The following CNTNAP2 variants were observed in gnomAD, a reference collection of about 807,000 sequenced individuals.
CNTNAP2 encodes the protein contactin associated protein 2.
In CNTNAP2, 98 loss-of-function variants were observed where a neutral mutation model predicts 155.2. That is an observed-to-expected ratio of 0.63 (90% confidence interval 0.54 to 0.75). CNTNAP2 has a LOEUF of 0.75. CNTNAP2 is among the 30% of genes least tolerant of loss of function. The pLI is 0.00. For missense variants in CNTNAP2, 1,727 were observed against 1,688.1 expected, an observed-to-expected ratio of 1.02 and a Z score of -0.40; for synonymous variants, 651 against 631.2, an observed-to-expected ratio of 1.03 and a Z score of -0.47.
intron 21 of CNTNAP2, among the ~76,000 whole-genome samples, chr7:148,278,309 G>T (rs1796912366): frequency 1.3e-5 from 2 of 152,076 alleles, no homozygotes; most frequent in Non-Finnish European, 2.9e-5. Context: ...GCTCACGCCT[G>T]TAATCCCAGC....
intron 21 of CNTNAP2, among the ~76,000 whole-genome samples, chr7:148,327,770 A>G (rs1040213242): frequency 6.6e-6 from 1 of 152,106 alleles, no homozygotes; most frequent in African/African-American, 2.4e-5. Flanking sequence ...ATGGGTTTCT[A>G]TTGCCTGGAA....
At position 147,489,919 on chromosome 7, in the gene CNTNAP2, A is replaced by G. The variant is rs1012397375; in HGVS notation, c.1777+3878A>G. On this transcript the variant is annotated intron_variant, in intron 11 of 23. Coordinates refer to ENST00000361727, the MANE Select transcript of CNTNAP2 (RefSeq NM_014141.6). ...CATGAGCCACCATGCCTGGCCAAAC[A>G]TTCTTATATATACTACTAGTTCCTT... is the stretch of plus-strand genomic sequence containing the variant. Among the ~76,000 whole-genome samples, 3 of 152,284 alleles carry G rather than the reference A, an allele frequency of 2.0e-5. No homozygotes were observed. In the East Asian group the frequency reaches 5.8e-4, roughly 29 times the overall value.
chr7:147,030,869 G>T (rs73465298), intron 3 of CNTNAP2, among the ~76,000 whole-genome samples: 1 of 151,980 alleles, frequency 6.6e-6, no homozygotes, highest in Non-Finnish European at 1.5e-5. Context: ...GGGCTACAGC[G>T]CAAGACCCTG....
intron 1 of CNTNAP2, among the ~76,000 whole-genome samples, chr7:146,553,090 A>G (rs777394909): frequency 6.6e-6 from 1 of 152,146 alleles, no homozygotes; most frequent in Non-Finnish European, 1.5e-5. Context: ...TCTTTGAGAC[A>G]TGTATTTTAG....
At chr7:148,394,280 C>A (rs1437917484) in intron 22 of CNTNAP2, among the ~76,000 whole-genome samples, 1 of 152,174 alleles carries the variant, frequency 6.6e-6, no homozygotes, top group African/African-American at 2.4e-5. Context: ...GGTTGAGGCT[C>A]CATCCTCTCC....
At chr7:148,131,191 C>T (rs372384815) in intron 16 of CNTNAP2, among the ~76,000 whole-genome samples, 3 of 150,984 alleles carry the variant, frequency 2.0e-5, no homozygotes, top group East Asian at 1.9e-4. Context: ...CTCCGCCTCC[C>T]GGGTTCAAGC....
At chr7:146,622,570 T>C (rs1050020947) in intron 1 of CNTNAP2, among the ~76,000 whole-genome samples, 1 of 152,174 alleles carries the variant, frequency 6.6e-6, no homozygotes, top group African/African-American at 2.4e-5. Context: ...CATATTGATG[T>C]ATCCAACTAT....
chr7:147,842,847 G>T (rs1161791861), intron 13 of CNTNAP2, among the ~76,000 whole-genome samples: 1 of 51,404 alleles, frequency 1.9e-5, no homozygotes, highest in Non-Finnish European at 3.7e-5. Flanking sequence ...GCGGTGTTTG[G>T]TTTTTTGTTC....
intron 11 of CNTNAP2, among the ~76,000 whole-genome samples, chr7:147,536,998 G>C (rs1300743431): frequency 4.7e-4 from 71 of 152,164 alleles, no homozygotes; most frequent in Non-Finnish European, 4.4e-5. Context: ...TTCTAAATCT[G>C]ACCCTTTTAT....
intron 15 of CNTNAP2, among the ~76,000 whole-genome samples, chr7:148,109,206 A>G (rs6962625): frequency 0.42 from 63,164 of 151,998 alleles, 14,657 homozygotes; most frequent in East Asian, 0.75. Flanking sequence ...ACTCTGCTAA[A>G]TGTATTTCAT....
intron 13 of CNTNAP2, among the ~76,000 whole-genome samples, chr7:147,881,546 AG>A (rs1799520625): frequency 6.6e-6 from 1 of 152,246 alleles, no homozygotes; most frequent in Non-Finnish European, 1.5e-5. Context: ...ACATTTACAC[AG>A]GAAATAGGCA....
At chr7:147,406,090 T>C (rs1797000074) in intron 10 of CNTNAP2, among the ~76,000 whole-genome samples, 1 of 152,200 alleles carries the variant, frequency 6.6e-6, no homozygotes, top group Non-Finnish European at 1.5e-5. Flanking sequence ...CCCAACATAT[T>C]GAAGACTTGT....
At chr7:147,759,158 CCTTT>C (rs1231522406) in intron 13 of CNTNAP2, among the ~76,000 whole-genome samples, 7 of 152,124 alleles carry the variant, frequency 4.6e-5, no homozygotes, top group African/African-American at 1.7e-4. Flanking sequence ...CATGCGTAAA[CCTTT>C]CTATCTGATT....
intron 9 of CNTNAP2, among the ~76,000 whole-genome samples, chr7:147,371,412 C>T (rs924849700): frequency 1.3e-5 from 2 of 152,134 alleles, no homozygotes; most frequent in African/African-American, 4.8e-5. Flanking sequence ...ATATAAGATA[C>T]ACAGCCTAGT....
At chr7:148,121,290 C>T (rs1388972118) in intron 16 of CNTNAP2, among the ~76,000 whole-genome samples, 2 of 152,164 alleles carry the variant, frequency 1.3e-5, no homozygotes, top group African/African-American at 4.8e-5. Context: ...GCGTCGGCCT[C>T]CCAAAGCCCT....
At chr7:148,401,215 T>C (rs1799575268) in intron 22 of CNTNAP2, among the ~76,000 whole-genome samples, 1 of 152,150 alleles carries the variant, frequency 6.6e-6, no homozygotes, top group South Asian at 2.1e-4. Flanking sequence ...TACAGTAAGA[T>C]ACATGAGAGA....
intron 1 of CNTNAP2, among the ~76,000 whole-genome samples, chr7:146,738,054 C>A (rs902631734): frequency 4.6e-5 from 7 of 152,006 alleles, no homozygotes; most frequent in Non-Finnish European, 1.0e-4. Flanking sequence ...ATTTCTGTAT[C>A]ATATGGTAAT....
chr7:146,875,376 G>T (rs921407321), intron 3 of CNTNAP2, among the ~76,000 whole-genome samples: 1 of 152,140 alleles, frequency 6.6e-6, no homozygotes, highest in African/African-American at 2.4e-5. Context: ...TACACAAGCT[G>T]CTGCTTAAAT....
At chr7:147,810,597 G>A (rs562023371) in intron 13 of CNTNAP2, among the ~76,000 whole-genome samples, 1 of 152,216 alleles carries the variant, frequency 6.6e-6, no homozygotes, top group African/African-American at 2.4e-5. Context: ...TTCAATACAG[G>A]TAGAAAGTTT....
Sources: gnomAD v4.1 joint callset for allele counts (sites outside exome capture counted in the v4.1 genomes callset) on GRCh38, gnomAD v4.1.1 for gene constraint, MANE v1.5 for transcripts, NCBI Gene and HGNC (gene_info 2026-07-23, HGNC 2026-07-21) for gene names.